The following MAP4K3 variants were observed in gnomAD, a reference collection of about 807,000 sequenced individuals.
MAP4K3 encodes the protein mitogen-activated protein kinase kinase kinase kinase 3, also known as MAPK/ERK kinase kinase kinase 3.
In MAP4K3, 94 loss-of-function variants were observed where a neutral mutation model predicts 143.5. That is an observed-to-expected ratio of 0.65 (90% confidence interval 0.55 to 0.78). The LOEUF is 0.78. MAP4K3 is among the 30% of genes least tolerant of loss of function. The pLI, the probability that MAP4K3 is intolerant of heterozygous loss-of-function variation, is 0.00. For missense variants in MAP4K3, 1,077 were observed against 1,068.1 expected, an observed-to-expected ratio of 1.01 and a Z score of -0.12; for synonymous variants, 416 against 347.2, an observed-to-expected ratio of 1.20 and a Z score of -2.20.
chr2:39,289,194 C>G (rs559409204), intron 19 of MAP4K3, among the ~76,000 whole-genome samples: 1 of 152,294 alleles, frequency 6.6e-6, no homozygotes, highest in African/African-American at 2.4e-5. Context: ...TATAACGTGT[C>G]TCTTATTATT....
intron 20 of MAP4K3, among the ~76,000 whole-genome samples, chr2:39,287,263 TTTA>T (rs1313753928): frequency 1.3e-5 from 2 of 151,614 alleles, no homozygotes; most frequent in African/African-American, 4.8e-5. Context: ...AAAGGGGTGA[TTTA>T]TTATTATGTC....
intron 2 of MAP4K3, among the ~76,000 whole-genome samples, chr2:39,374,590 G>A (rs12105018): frequency 0.074 from 11,213 of 151,910 alleles, 1,394 homozygotes; most frequent in African/African-American, 0.26. Flanking sequence ...GCTGAGGCAG[G>A]AGAATCACTT....
chr2:39,260,853 G>C (rs533352540), intron 28 of MAP4K3, 76 bp from the exon 29 acceptor site: 2 of 977,890 alleles, frequency 2.0e-6, no homozygotes, highest in Admixed American at 2.6e-5. Flanking sequence ...CTATAAAACA[G>C]CTTTCTACAA....
intron 3 of MAP4K3, among the ~76,000 whole-genome samples, chr2:39,347,524 G>A (rs1665327241): frequency 6.6e-6 from 1 of 151,952 alleles, no homozygotes; most frequent in Non-Finnish European, 1.5e-5. Flanking sequence ...TAAAGGACCT[G>A]GAATATAGCA....
chr2:39,319,398 CA>C (rs2148509182), intron 12 of MAP4K3, among the ~76,000 whole-genome samples: 1 of 152,164 alleles, frequency 6.6e-6, no homozygotes, highest in Admixed American at 6.6e-5. Flanking sequence ...CACTTCTATG[CA>C]GATTACTTGG....
chr2:39,399,901 T>C (rs1666907855), intron 1 of MAP4K3, among the ~76,000 whole-genome samples: 1 of 152,192 alleles, frequency 6.6e-6, no homozygotes, highest in Non-Finnish European at 1.5e-5. Context: ...GAGGGTTTAA[T>C]GTGGTTTAAA....
At chr2:39,387,032 G>A (rs911110763) in intron 1 of MAP4K3, among the ~76,000 whole-genome samples, 4 of 151,910 alleles carry the variant, frequency 2.6e-5, no homozygotes, top group Non-Finnish European at 4.4e-5. Flanking sequence ...CAGGCTCATC[G>A]CCAACTCCTG....
rs1226113726 is a variant in MAP4K3, at chr2:39,251,867, C to G, written c.2560G>C (p.Asp854His). The change falls in exon 33 of 34, where the codon GAT becomes CAT. Residue 854 changes from aspartate to histidine, a missense_variant. Physicochemically the swap from Asp to His is moderately conservative, Grantham distance 81 (BLOSUM62 -1). This residue lies in a region of MAP4K3 where 864 missense variants were observed against 801.2 expected (regional missense o/e 1.08). Transcript: ENST00000263881. ...RSNEVTQEIS[D>H]STRIFRLLGS... ...AGCAGCCTGAAAATTCTTGTGCTATCTGAAATTTCTTGTGTTACCTGTTCA... is the reference window on the plus strand; with the variant it reads ...AGCAGCCTGAAAATTCTTGTGCTATGTGAAATTTCTTGTGTTACCTGTTCA... 7.4e-6 allele frequency: 12 copies of G among 1,613,566 alleles called. No individual in the cohort carries two copies. Among genetic ancestry groups the G allele is most frequent in the Non-Finnish European group, 1.0e-5 (12 of 1,179,770 alleles).
chr2:39,324,683 C>T (rs938720549), intron 12 of MAP4K3, among the ~76,000 whole-genome samples: 4 of 152,076 alleles, frequency 2.6e-5, no homozygotes, highest in African/African-American at 9.7e-5. Context: ...CCCATAAAGC[C>T]AGTAGAGTTA....
intron 1 of MAP4K3, among the ~76,000 whole-genome samples, chr2:39,381,128 A>G (rs1304756855): frequency 6.6e-6 from 1 of 152,170 alleles, no homozygotes; most frequent in East Asian, 1.9e-4. Flanking sequence ...AGACTCATCC[A>G]TGTCTCAAAC....
chr2:39,353,692 C>A (rs932904514), intron 3 of MAP4K3, among the ~76,000 whole-genome samples: 1 of 152,080 alleles, frequency 6.6e-6, no homozygotes, highest in Non-Finnish European at 1.5e-5. Flanking sequence ...CCAAATGAGG[C>A]ACTAAAATAA....
chr2:39,332,473 A>C (rs1461030976), intron 7 of MAP4K3, among the ~76,000 whole-genome samples: 1 of 151,982 alleles, frequency 6.6e-6, no homozygotes, highest in Non-Finnish European at 1.5e-5. Context: ...CAAACTTAAC[A>C]ATACATTTAG....
chr2:39,282,552 C>T lies in MAP4K3; in HGVS notation c.1590G>A (p.Lys530=), dbSNP rs1260129206. ...TTGGAGGAAGACCATTACTAATAGG[C>T]TTCTAGAAAAAGAACACATGTATGA... ...LSRKEKKDVP[K]PISNGLPPTP... Residue 530 remains lysine, a splice_region_variant and synonymous_variant, in exon 22 of 34, where the codon AAG becomes AAA. Coordinates refer to ENST00000263881, the MANE Select transcript of MAP4K3 (RefSeq NM_003618.4). 9 of 1,610,032 alleles carry T rather than the reference C, an allele frequency of 5.6e-6. No individual in the cohort carries two copies. In the East Asian group the frequency reaches 1.3e-4, roughly 24 times the overall value.
chr2:39,261,364 C>G (rs1030869568), intron 28 of MAP4K3, among the ~76,000 whole-genome samples: 5 of 152,084 alleles, frequency 3.3e-5, no homozygotes, highest in Non-Finnish European at 7.4e-5. Flanking sequence ...AATAAATTCA[C>G]ATTCTGAAGG....
chr2:39,311,807 C>G (rs1682946494), intron 13 of MAP4K3, among the ~76,000 whole-genome samples: 1 of 152,196 alleles, frequency 6.6e-6, no homozygotes, highest in African/African-American at 2.4e-5. Flanking sequence ...CTAACCTGTC[C>G]TGGATTCCTG....
intron 4 of MAP4K3, among the ~76,000 whole-genome samples, chr2:39,340,787 T>C (rs1665116299): frequency 6.6e-6 from 1 of 152,124 alleles, no homozygotes; most frequent in Admixed American, 6.6e-5. Context: ...AACCAAATAA[T>C]TTCTAGACAT....
Position 39,282,464 on chromosome 2 carries a change from C to T in MAP4K3, c.1629+49G>A, listed in dbSNP as rs772512165. 4.1e-6 allele frequency: 6 copies of T among 1,468,700 alleles called. No homozygotes were observed. In the African/African-American group the frequency reaches 7.0e-5, roughly 17 times the overall value. The allele number at this position is 1,468,700 out of a possible 1,614,324, so 91.0% of individuals were successfully genotyped here. Reference sequence around the variant, plus strand: ...AAAAAACCTAAGCAAAGATAACACACACAAGTGACTTAGCTTGAAACTTAG... The same window carrying T: ...AAAAAACCTAAGCAAAGATAACACATACAAGTGACTTAGCTTGAAACTTAG... On this transcript the variant is annotated intron_variant, in intron 22 of 33. Coordinates refer to ENST00000263881, the MANE Select transcript of MAP4K3 (RefSeq NM_003618.4).
At chr2:39,402,207 A>G (rs1434814168) in intron 1 of MAP4K3, among the ~76,000 whole-genome samples, 2 of 152,234 alleles carry the variant, frequency 1.3e-5, no homozygotes, top group Non-Finnish European at 2.9e-5. Flanking sequence ...AGAAAAGATT[A>G]GTGAACTTGA....
intron 3 of MAP4K3, among the ~76,000 whole-genome samples, chr2:39,354,226 G>A (rs905033821): frequency 1.2e-4 from 19 of 152,018 alleles, no homozygotes; most frequent in Middle Eastern, 3.2e-3. Context: ...GGTGGATCAC[G>A]AGGTCAGGAG....
Sources: gnomAD v4.1 joint callset for allele counts (sites outside exome capture counted in the v4.1 genomes callset) on GRCh38, gnomAD v4.1.1 for gene constraint, gnomAD v4.1.1 regional missense constraint, MANE v1.5 for transcripts, NCBI Gene and HGNC (gene_info 2026-07-23, HGNC 2026-07-21) for gene names.